SULF2: variants seen among roughly 807,000 people sequenced by gnomAD.
SULF2 encodes sulfatase 2.
SULF2 carries 52 observed loss-of-function variants against 107.7 expected under a neutral mutation model. The observed-to-expected ratio is 0.48, with a 90% CI of 0.39 to 0.61. The LOEUF is 0.61. SULF2 is among the 20% of genes least tolerant of loss of function. SULF2 has a pLI of 0.00. For synonymous variants in SULF2, 460 were observed against 464.3 expected (o/e 0.99, Z 0.12); for missense variants, 993 against 1,177.3 (o/e 0.84, Z 2.29).
At chr20:47,745,398 A>G (rs779062223) in intron 2 of SULF2, among the ~76,000 whole-genome samples, 1,452 of 29,366 alleles carry the variant, frequency 0.049, 126 homozygotes, top group African/African-American at 0.22. Flanking sequence ...AAAAAAAAAA[A>G]AAAAAAAAAA....
intron 11 of SULF2, among the ~76,000 whole-genome samples, chr20:47,671,466 G>T (rs898251369): frequency 1.3e-5 from 2 of 152,112 alleles, no homozygotes; most frequent in African/African-American, 4.8e-5. Flanking sequence ...TAGAGATGGG[G>T]TTTCACCATG....
chr20:47,762,611 AAG>A (rs1447027703), intron 1 of SULF2, among the ~76,000 whole-genome samples: 1 of 152,200 alleles, frequency 6.6e-6, no homozygotes, highest in Non-Finnish European at 1.5e-5. Flanking sequence ...ACAAGTTCCT[AAG>A]AGTCTCCCAG....
At chr20:47,752,164 T>C (rs2090170930) in intron 2 of SULF2, among the ~76,000 whole-genome samples, 2 of 152,182 alleles carry the variant, frequency 1.3e-5, no homozygotes, top group Non-Finnish European at 2.9e-5. Context: ...CAAACAACAC[T>C]GTGGCATTGG....
Position 47,657,915 on chromosome 20 carries a change from T to C in SULF2, c.*447A>G. On this transcript the variant is annotated 3_prime_UTR_variant, in exon 21 of 21. Transcript: ENST00000688720. ...CAGCCTCTCCACGTTGCCTCTGTCC[T>C]GCTTCTTAGTTCCTTCTTTGTGACA... is the stretch of plus-strand genomic sequence containing the variant. The C allele has an allele frequency of 4.9e-6, 1 of 202,332 alleles. No individual in the cohort carries two copies. The highest frequency in any genetic ancestry group is 1.0e-5 in the Non-Finnish European group (1 of 99,114). The allele number at this position is 202,332 out of a possible 1,614,324, so 12.5% of individuals were successfully genotyped here. A position where few individuals can be genotyped will look rare whatever the true frequency, so the allele number is the denominator to read the frequency against.
chr20:47,663,308 C>A (rs747793587), intron 16 of SULF2, 96 bp from the exon 17 acceptor site: 3 of 1,584,172 alleles, frequency 1.9e-6, no homozygotes, highest in Non-Finnish European at 2.6e-6. Flanking sequence ...AAAACCAGTT[C>A]GTCAAATGCC....
rs537699050 is a variant in SULF2 at position 47,663,153 on chromosome 20, T to C, written c.2287A>G (p.Ile763Val). 28 of 1,614,178 alleles carry C rather than the reference T, an allele frequency of 1.7e-5. No homozygotes were observed. The highest frequency in any genetic ancestry group is 8.9e-5 in the East Asian group (4 of 44,888). Residue 763 changes from isoleucine to valine, a missense_variant, in exon 17 of 21, where the codon ATC becomes GTC. Coordinates refer to ENST00000688720, the MANE Select transcript of SULF2 (RefSeq NM_001387048.1). ...NNNTYWCMRT[I>V]NETHNFLFCE... Reference sequence around the variant, plus strand: ...AAGAGGAAATTGTGAGTCTCATTGATGGTCCTCATGCACCAGTACGTGTTA... The same window carrying C: ...AAGAGGAAATTGTGAGTCTCATTGACGGTCCTCATGCACCAGTACGTGTTA...
intron 4 of SULF2, among the ~76,000 whole-genome samples, chr20:47,701,731 G>T (rs896222541): frequency 2.0e-5 from 3 of 152,270 alleles, no homozygotes; most frequent in African/African-American, 7.2e-5. Flanking sequence ...ATGATGGAAT[G>T]CTGGGCAGCA....
At chr20:47,734,098 A>T (rs969652740) in intron 3 of SULF2, among the ~76,000 whole-genome samples, 7 of 152,226 alleles carry the variant, frequency 4.6e-5, no homozygotes, top group Non-Finnish European at 8.8e-5. Flanking sequence ...TACATTTCCC[A>T]GGCCCCTTTG....
intron 3 of SULF2, among the ~76,000 whole-genome samples, chr20:47,705,723 G>T (rs1405584451): frequency 2.0e-5 from 3 of 152,200 alleles, no homozygotes; most frequent in African/African-American, 7.2e-5. Context: ...GCCGACGCAC[G>T]TGACAGCCCC....
chr20:47,683,498 G>A (rs556439684), intron 6 of SULF2, among the ~76,000 whole-genome samples: 1 of 152,368 alleles, frequency 6.6e-6, no homozygotes, highest in East Asian at 1.9e-4. Context: ...TGTATCCCAC[G>A]TACACTGGCA....
At chr20:47,724,813 G>T (rs2089393949) in intron 3 of SULF2, among the ~76,000 whole-genome samples, 1 of 152,160 alleles carries the variant, frequency 6.6e-6, no homozygotes, top group Admixed American at 6.5e-5. Flanking sequence ...GACACTACTT[G>T]CACCTTTCAA....
At chr20:47,701,374 C>T (rs115399741) in intron 4 of SULF2, among the ~76,000 whole-genome samples, 3,748 of 152,216 alleles carry the variant, frequency 0.025, 165 homozygotes, top group African/African-American at 0.086. Flanking sequence ...AAGAGATGCG[C>T]GGTGAAACAG....
intron 3 of SULF2, among the ~76,000 whole-genome samples, chr20:47,728,209 CTG>C (rs1172769821): frequency 1.3e-5 from 2 of 152,074 alleles, no homozygotes; most frequent in South Asian, 4.2e-4. Context: ...AAGAAGGGAG[CTG>C]TGTGTGTGCG....
At chr20:47,765,456 G>A (rs2090511557) in intron 1 of SULF2, among the ~76,000 whole-genome samples, 1 of 152,016 alleles carries the variant, frequency 6.6e-6, no homozygotes, top group African/African-American at 2.4e-5. Flanking sequence ...AGAGGCAGAA[G>A]GCGGCATTGG....
intron 3 of SULF2, among the ~76,000 whole-genome samples, chr20:47,720,418 G>A (rs1042477642): frequency 2.0e-5 from 3 of 151,952 alleles, no homozygotes; most frequent in Admixed American, 6.6e-5. Flanking sequence ...ACCACGCCCG[G>A]CTAATTCTTT....
chr20:47,783,277 CCTT>C (rs1182637401), intron 1 of SULF2, among the ~76,000 whole-genome samples: 4 of 152,216 alleles, frequency 2.6e-5, no homozygotes, highest in African/African-American at 7.2e-5. Flanking sequence ...CTTCTGGACT[CCTT>C]CTGCAGGACT....
chr20:47,729,806 CAG>C (rs1352418889), intron 3 of SULF2, among the ~76,000 whole-genome samples: 1 of 152,070 alleles, frequency 6.6e-6, no homozygotes, highest in Non-Finnish European at 1.5e-5. Flanking sequence ...AGGGTAGATC[CAG>C]AGAGTGGCAG....
At chr20:47,704,247 G>A (rs1252956468) in intron 3 of SULF2, among the ~76,000 whole-genome samples, 2 of 151,758 alleles carry the variant, frequency 1.3e-5, no homozygotes, top group African/African-American at 4.8e-5. Flanking sequence ...ACCTCTTCAT[G>A]ATCCTCTTCT....
intron 3 of SULF2, among the ~76,000 whole-genome samples, chr20:47,713,967 C>A (rs996159188): frequency 6.6e-6 from 1 of 151,856 alleles, no homozygotes; most frequent in Non-Finnish European, 1.5e-5. Context: ...GTGTTCATGC[C>A]GCACAGTGAA....
Sources: gnomAD v4.1 joint callset for allele counts (sites outside exome capture counted in the v4.1 genomes callset) on GRCh38, gnomAD v4.1.1 for gene constraint, MANE v1.5 for transcripts, NCBI Gene and HGNC (gene_info 2026-07-23, HGNC 2026-07-21) for gene names.